Variants in OBI1 observed in about 807,000 individuals in gnomAD.
The protein encoded by OBI1 is ring finger protein 219.
In OBI1, 59 loss-of-function variants were observed where a neutral mutation model predicts 62.4. The observed-to-expected ratio is 0.95, with a 90% confidence interval of 0.77 to 1.17. The LOEUF is 1.17. OBI1 is among the 50% of genes most tolerant of loss of function. The pLI, the probability that OBI1 is intolerant of heterozygous loss-of-function variation, is 0.00. For synonymous variants in OBI1, 302 were observed against 292.8 expected (o/e 1.03, Z -0.32); for missense variants, 875 against 830.9 (o/e 1.05, Z -0.65).
chr13:78,618,432 T>C (rs1406882489), intron 5 of OBI1, among the ~76,000 whole-genome samples: 2 of 151,680 alleles, frequency 1.3e-5, no homozygotes, highest in Non-Finnish European at 2.9e-5. Flanking sequence ...CCAATAGCAA[T>C]TGCCCCTCTT....
chr13:78,640,173 C>A (rs1271122761), intron 3 of OBI1, among the ~76,000 whole-genome samples: 1 of 151,026 alleles, frequency 6.6e-6, no homozygotes, highest in Non-Finnish European at 1.5e-5. Flanking sequence ...TTTGAAAGTA[C>A]ATTGAGGGGG....
At position 78,616,179 on chromosome 13, in the gene OBI1, C is replaced by T; in HGVS notation, c.1582G>A (p.Ala528Thr). 1.2e-6 allele frequency: 2 copies of T among 1,614,128 alleles called. No individual in the cohort carries two copies. Among genetic ancestry groups the T allele is most frequent in the Non-Finnish European group, 1.7e-6 (2 of 1,180,030 alleles). ...EMNRTRTSSEASMDAAYLDKI... is the reference protein window; with the variant it reads ...EMNRTRTSSETSMDAAYLDKI... ...TCAAGGTAAGCAGCATCCATCGATG[C>T]TTCACTGGATGTTCTTGTCCGGTTC... The change falls in exon 6 of 6, where the codon GCA (alanine) becomes ACA (threonine). Residue 528 changes from alanine to threonine, a missense_variant. Transcript: ENST00000282003.
chr13:78,614,921 T>G lies in OBI1; in HGVS notation c.*659A>C, dbSNP rs1295452497. The G allele has an allele frequency of 1.3e-5, 2 of 152,118 alleles. No individual in the cohort carries two copies. The highest frequency in any genetic ancestry group is 2.9e-5 in the Non-Finnish European group (2 of 68,022). The allele number at this position is 152,118 out of a possible 1,614,324, so 9.4% of individuals were successfully genotyped here. ...TGTTTTCTTTCATACTAGCAGAACA[T>G]TTTCACAAAACTGGACAAAACACAA... On this transcript the variant is annotated 3_prime_UTR_variant, in exon 6 of 6. Transcript: ENST00000282003.
chr13:78,634,067 CAAAAACAAAAAACA>C (rs1228196802), intron 5 of OBI1, among the ~76,000 whole-genome samples: 11 of 107,114 alleles, frequency 1.0e-4, no homozygotes, highest in Admixed American at 6.3e-4. Context: ...GACTCCGTCT[CAAAAACAAAAAACA>C]AAAAACAAAA....
chr13:78,652,619 T>C (rs145481555), intron 1 of OBI1, among the ~76,000 whole-genome samples: 1 of 152,302 alleles, frequency 6.6e-6, no homozygotes, highest in East Asian at 1.9e-4. Context: ...GGGACTGGTT[T>C]CGTGGAAGAT....
intron 5 of OBI1, among the ~76,000 whole-genome samples, chr13:78,617,845 AT>A (rs202099551): frequency 6.6e-6 from 1 of 151,778 alleles, no homozygotes; most frequent in Non-Finnish European, 1.5e-5. Context: ...AAAAAAAAAA[AT>A]TTTTTTGTAC....
At chr13:78,623,806 T>C (rs909146379) in intron 5 of OBI1, among the ~76,000 whole-genome samples, 4 of 152,226 alleles carry the variant, frequency 2.6e-5, no homozygotes, top group East Asian at 3.8e-4. Context: ...ATATAGTATG[T>C]ATGCACAAAT....
chr13:78,616,216 G>A lies in OBI1; in HGVS notation c.1545C>T (p.Arg515=). 6.2e-7 allele frequency: 1 copy of A among 1,614,054 alleles called. No individual in the cohort carries two copies. The highest frequency in any genetic ancestry group is 8.5e-7 in the Non-Finnish European group (1 of 1,179,986). ...TTCTTGTCCGGTTCATTTCAAAAGA[G>A]CGAATAGAATTCAACCTTTTGGATA... ...LCLSKRLNSI[R]SFEMNRTRTS... The change falls in exon 6 of 6, where the codon CGC becomes CGT. Residue 515 remains arginine, a synonymous_variant. Coordinates refer to ENST00000282003, the MANE Select transcript of OBI1 (RefSeq NM_024546.4).
chr13:78,650,100 T>C (rs768197603), intron 1 of OBI1, among the ~76,000 whole-genome samples: 1 of 152,186 alleles, frequency 6.6e-6, no homozygotes, highest in Non-Finnish European at 1.5e-5. Context: ...TTAATTAACG[T>C]AGGTGTGTAT....
intron 2 of OBI1, among the ~76,000 whole-genome samples, chr13:78,643,754 C>T (rs1876292481): frequency 6.6e-6 from 1 of 151,994 alleles, no homozygotes; most frequent in Non-Finnish European, 1.5e-5. Flanking sequence ...CGCCACTGCA[C>T]TCCAGCCTGG....
intron 4 of OBI1, 71 bp from the exon 5 acceptor site, chr13:78,635,269 G>T: frequency 1.1e-6 from 1 of 886,648 alleles, no homozygotes; most frequent in African/African-American, 1.7e-5. Context: ...TACAACATGA[G>T]CCATCCGTAT....
intron 5 of OBI1, among the ~76,000 whole-genome samples, chr13:78,626,195 T>C (rs902983115): frequency 4.6e-5 from 7 of 152,218 alleles, no homozygotes; most frequent in African/African-American, 1.4e-4. Context: ...GAGGAAAGCT[T>C]CCAGAAATCC....
At chr13:78,627,643 A>G (rs773486311) in intron 5 of OBI1, among the ~76,000 whole-genome samples, 9 of 152,336 alleles carry the variant, frequency 5.9e-5, no homozygotes, top group Non-Finnish European at 1.2e-4. Context: ...TCCATGCTGT[A>G]TATGTACCAC....
chr13:78,616,558 A>G lies in OBI1; in HGVS notation c.1203T>C (p.Ser401=). The change falls in exon 6 of 6, where the codon AGT becomes AGC. Residue 401 remains serine (S), a synonymous_variant. Transcript: ENST00000282003. ...CAGAGCTCTCTCTATTTTCTGGAGT[A>G]CTGAGCTGAAGGCAACTAAGGGACA... The part of the protein sequence containing the change: ...TPLSLSCLQL[S]TPENRESSVV... 6.2e-7 allele frequency: 1 copy of G among 1,614,134 alleles called. No individual in the cohort carries two copies. Among genetic ancestry groups the G allele is most frequent in the South Asian group, 1.1e-5 (1 of 91,066 alleles).
rs528505891 is a variant in OBI1, at chr13:78,614,698, A to C, written c.*882T>G. 28 of 152,360 alleles carry C rather than the reference A, an allele frequency of 1.8e-4. No individual in the cohort carries two copies. The highest frequency in any genetic ancestry group is 3.3e-4 in the Admixed American group (5 of 15,300). The allele number at this position is 152,360 out of a possible 1,614,324, so 9.4% of individuals were successfully genotyped here. A position where few individuals can be genotyped will look rare whatever the true frequency, so the allele number is the denominator to read the frequency against. On this transcript the variant is annotated 3_prime_UTR_variant, in exon 6 of 6. Transcript: ENST00000282003. ...AACTCCCCTGGAATGCAAGTGGATC[A>C]AGAACTTGGCGATGAGCTCTTTCAA...
At chr13:78,630,279 T>C (rs1405329230) in intron 5 of OBI1, among the ~76,000 whole-genome samples, 1 of 152,140 alleles carries the variant, frequency 6.6e-6, no homozygotes, top group Admixed American at 6.5e-5. Context: ...TTTTCCTTAA[T>C]ATAAACAATT....
intron 1 of OBI1, among the ~76,000 whole-genome samples, chr13:78,647,878 A>G (rs1308911185): frequency 6.6e-6 from 1 of 152,176 alleles, no homozygotes; most frequent in East Asian, 1.9e-4. Context: ...TTGATTATGA[A>G]CACTAACCCA....
At chr13:78,647,838 G>A (rs1311304190) in intron 1 of OBI1, among the ~76,000 whole-genome samples, 2 of 152,134 alleles carry the variant, frequency 1.3e-5, no homozygotes, top group Non-Finnish European at 2.9e-5. Context: ...TCTGGTCTCA[G>A]TCTGGCTTTC....
chr13:78,618,727 T>C (rs1193309328), intron 5 of OBI1, among the ~76,000 whole-genome samples: 1 of 152,162 alleles, frequency 6.6e-6, no homozygotes, highest in African/African-American at 2.4e-5. Context: ...ACCACAGGTA[T>C]AACAAAAACA....
Sources: allele counts gnomAD v4.1 joint callset (sites outside exome capture counted in the v4.1 genomes callset), GRCh38; gene constraint gnomAD v4.1.1; transcripts MANE v1.5; gene names NCBI Gene and HGNC (gene_info 2026-07-23, HGNC 2026-07-21).